Variants in DLGAP2 observed in about 807,000 individuals in gnomAD.
DLGAP2 encodes the protein DLG associated protein 2, also known as disks large-associated protein 2.
Under a neutral mutation model 100.3 loss-of-function variants are expected in DLGAP2, and 26 were observed. The observed-to-expected ratio is 0.26, with a 90% confidence interval of 0.19 to 0.36. The LOEUF is 0.36. DLGAP2 is among the 10% of genes least tolerant of loss of function. The probability of loss-of-function intolerance (pLI) is 1.00; values close to 1 mark genes in which losing one functional copy is unlikely to be tolerated. For synonymous variants in DLGAP2, 886 were observed against 630.1 expected (o/e 1.41, Z -6.08); for missense variants, 1,858 against 1,453.2 (o/e 1.28, Z -4.53).
intron 2 of DLGAP2, among the ~76,000 whole-genome samples, chr8:1,130,262 AAGG>A (rs1796262046): frequency 6.6e-6 from 1 of 152,038 alleles, no homozygotes. Flanking sequence ...TTATTTGGAG[AAGG>A]AGATGTTTGG....
intron 2 of DLGAP2, among the ~76,000 whole-genome samples, chr8:1,119,152 T>C (rs1795975314): frequency 6.6e-6 from 1 of 152,256 alleles, no homozygotes; most frequent in Non-Finnish European, 1.5e-5. Flanking sequence ...GCCCATATTA[T>C]TTTGCACTGA....
chr8:801,660 G>C (rs886919924), intron 1 of DLGAP2, among the ~76,000 whole-genome samples: 4 of 152,172 alleles, frequency 2.6e-5, no homozygotes, highest in South Asian at 2.1e-4. Context: ...TGCTTCTCCT[G>C]TGCAGCGGGC....
At chr8:986,384 T>C (rs976279598) in intron 2 of DLGAP2, among the ~76,000 whole-genome samples, 1 of 152,236 alleles carries the variant, frequency 6.6e-6, no homozygotes, top group Non-Finnish European at 1.5e-5. Context: ...GTTTATTACA[T>C]AGGTATTCAT....
At chr8:820,074 A>G (rs1369058445) in intron 1 of DLGAP2, among the ~76,000 whole-genome samples, 1 of 152,258 alleles carries the variant, frequency 6.6e-6, no homozygotes, top group Non-Finnish European at 1.5e-5. Context: ...ATCAATCTGT[A>G]GAACAAACTG....
chr8:1,453,213 A>T (rs993231390), intron 3 of DLGAP2, among the ~76,000 whole-genome samples: 1 of 152,084 alleles, frequency 6.6e-6, no homozygotes, highest in African/African-American at 2.4e-5. Context: ...TCTTAGGCAC[A>T]CAGTTCTCGG....
At chr8:930,888 A>C (rs1212990956) in intron 2 of DLGAP2, among the ~76,000 whole-genome samples, 2 of 152,158 alleles carry the variant, frequency 1.3e-5, no homozygotes, top group Non-Finnish European at 2.9e-5. Flanking sequence ...TCCCTCTGGA[A>C]CTGCATGAAT....
intron 2 of DLGAP2, among the ~76,000 whole-genome samples, chr8:1,020,297 C>A (rs560180827): frequency 6.6e-6 from 1 of 152,262 alleles, no homozygotes; most frequent in African/African-American, 2.4e-5. Context: ...AATTGCTAAC[C>A]TGAGAGAACG....
intron 4 of DLGAP2, among the ~76,000 whole-genome samples, chr8:1,546,160 A>T (rs967124038): frequency 1.3e-5 from 2 of 152,216 alleles, no homozygotes; most frequent in Non-Finnish European, 2.9e-5. Flanking sequence ...AGAAAGGAAG[A>T]CGCCGCCGGC....
At chr8:1,224,355 C>G (rs939968393) in intron 2 of DLGAP2, among the ~76,000 whole-genome samples, 1 of 152,108 alleles carries the variant, frequency 6.6e-6, no homozygotes, top group African/African-American at 2.4e-5. Context: ...ACTGTCATAT[C>G]CCAAGCACCA....
intron 5 of DLGAP2, among the ~76,000 whole-genome samples, chr8:1,561,830 T>G (rs1241023949): frequency 4.0e-5 from 1 of 24,782 alleles, no homozygotes. Flanking sequence ...GGGGACTGTG[T>G]GGTGTTGGGT....
intron 2 of DLGAP2, among the ~76,000 whole-genome samples, chr8:1,132,821 C>T (rs1302269403): frequency 3.3e-5 from 5 of 152,226 alleles, no homozygotes; most frequent in African/African-American, 9.6e-5. Flanking sequence ...GACGCCCAGT[C>T]GCTGGGGCTC....
At chr8:805,280 T>C (rs1796246489) in intron 1 of DLGAP2, among the ~76,000 whole-genome samples, 1 of 152,194 alleles carries the variant, frequency 6.6e-6, no homozygotes, top group African/African-American at 2.4e-5. Flanking sequence ...CCATATATCC[T>C]TCCTAAATTA....
intron 3 of DLGAP2, among the ~76,000 whole-genome samples, chr8:1,324,836 G>C (rs1429039142): frequency 6.6e-6 from 1 of 152,282 alleles, no homozygotes; most frequent in East Asian, 1.9e-4. Flanking sequence ...TGGCAGTCCC[G>C]TGAAATACGG....
At chr8:938,386 C>G (rs1434493628) in intron 2 of DLGAP2, among the ~76,000 whole-genome samples, 5 of 152,112 alleles carry the variant, frequency 3.3e-5, no homozygotes, top group African/African-American at 1.2e-4. Flanking sequence ...TTTGTAGAGA[C>G]AAGGTCTCAC....
At chr8:808,905 CTTT>C (rs539422380) in intron 1 of DLGAP2, among the ~76,000 whole-genome samples, 1 of 130,384 alleles carries the variant, frequency 7.7e-6, no homozygotes, top group Admixed American at 8.0e-5. Flanking sequence ...CTGTTGCTGC[CTTT>C]TTTTTTTTTT....
At chr8:1,639,797 C>T (rs1253280561) in intron 8 of DLGAP2, among the ~76,000 whole-genome samples, 3 of 152,334 alleles carry the variant, frequency 2.0e-5, no homozygotes, top group Middle Eastern at 3.4e-3. Context: ...TCCTTGGCTG[C>T]GGGCCACATG....
chr8:972,455 TAAAA>T (rs1359696853), intron 2 of DLGAP2, among the ~76,000 whole-genome samples: 3 of 152,044 alleles, frequency 2.0e-5, no homozygotes, highest in Non-Finnish European at 4.4e-5. Context: ...AAATCAAAGA[TAAAA>T]AACATAGCTG....
At chr8:1,526,381 G>A (rs957522381) in intron 4 of DLGAP2, among the ~76,000 whole-genome samples, 4 of 152,080 alleles carry the variant, frequency 2.6e-5, no homozygotes, top group African/African-American at 9.7e-5. Flanking sequence ...TGGGGGCTCA[G>A]AGGGTGGGAA....
chr8:759,343 G>A (rs1486712569), intron 1 of DLGAP2, among the ~76,000 whole-genome samples: 1 of 150,826 alleles, frequency 6.6e-6, no homozygotes, highest in Non-Finnish European at 1.5e-5. Context: ...GTCTGCCACA[G>A]TGGATGGACC....
Sources: allele counts gnomAD v4.1 joint callset (sites outside exome capture counted in the v4.1 genomes callset), GRCh38; gene constraint gnomAD v4.1.1; transcripts MANE v1.5; gene names NCBI Gene and HGNC (gene_info 2026-07-23, HGNC 2026-07-21).